Variants in BTBD9 observed in about 807,000 individuals in gnomAD.
BTBD9 encodes BTB/POZ domain-containing protein 9.
A neutral mutation model predicts 64.3 loss-of-function variants in BTBD9; 49 were observed. The ratio of observed to expected loss-of-function variants is 0.76; its 90% CI spans 0.61 to 0.97. The LOEUF (loss-of-function observed/expected upper bound fraction) is 0.97. Ranked by LOEUF, BTBD9 falls within the 50% of genes least tolerant of loss-of-function variation. The pLI is 0.00. For synonymous variants in BTBD9, 260 were observed against 274.7 expected, an observed-to-expected ratio of 0.95 and a Z score of 0.53; for missense variants, 598 against 762.1, an observed-to-expected ratio of 0.78 and a Z score of 2.53.
intron 7 of BTBD9, among the ~76,000 whole-genome samples, chr6:38,299,982 T>A (rs1288292142): frequency 2.0e-5 from 3 of 152,278 alleles, no homozygotes; most frequent in African/African-American, 4.8e-5. Context: ...AGGGTTTTTA[T>A]GATTTTAGGT....
intron 5 of BTBD9, among the ~76,000 whole-genome samples, chr6:38,578,239 C>T (rs1776141404): frequency 6.6e-6 from 1 of 152,096 alleles, no homozygotes; most frequent in African/African-American, 2.4e-5. Flanking sequence ...CTGCTGCCTC[C>T]CAGTCTCCTA....
chr6:38,387,751 A>G (rs1417666968), intron 6 of BTBD9, among the ~76,000 whole-genome samples: 1 of 152,162 alleles, frequency 6.6e-6, no homozygotes, highest in Non-Finnish European at 1.5e-5. Context: ...TGCCCAGAGG[A>G]GAAATCTGCC....
At chr6:38,309,047 A>T (rs1250501021) in intron 7 of BTBD9, among the ~76,000 whole-genome samples, 1 of 151,958 alleles carries the variant, frequency 6.6e-6, no homozygotes, top group Admixed American at 6.6e-5. Context: ...TGAACAGAGA[A>T]CAAAAGACAT....
chr6:38,224,204 C>T (rs913861921), intron 9 of BTBD9, among the ~76,000 whole-genome samples: 3 of 151,922 alleles, frequency 2.0e-5, no homozygotes, highest in African/African-American at 7.3e-5. Context: ...CAGAGCAAGA[C>T]TCTGTCTCAA....
In BTBD9 at chr6:38,580,211, C is replaced by A. The variant is rs1433575723; in HGVS notation, c.1034+7G>T. On this transcript the variant is annotated splice_region_variant and intron_variant, in intron 5 of 10. Coordinates refer to ENST00000481247, the MANE Select transcript of BTBD9 (RefSeq NM_001099272.2). Reference sequence around the variant, plus strand: ...ATGTCAGTTTCTAAGTCATGCTAATCACTTACCGGCTATCTCGGTCCCACA... The same window carrying A: ...ATGTCAGTTTCTAAGTCATGCTAATAACTTACCGGCTATCTCGGTCCCACA... The A allele has an allele frequency of 6.2e-7, 1 of 1,610,508 alleles. No individual in the cohort carries two copies. Among genetic ancestry groups the A allele is most frequent in the South Asian group, 1.1e-5 (1 of 90,940 alleles).
intron 6 of BTBD9, among the ~76,000 whole-genome samples, chr6:38,417,775 G>GGAGAGA (rs1554149267): frequency 1.3e-4 from 18 of 135,644 alleles, no homozygotes; most frequent in South Asian, 1.0e-3. Flanking sequence ...CCTGTCTCGA[G>GGAGAGA]GAGAGAGAGA....
At chr6:38,241,984 C>CTT (rs1474516737) in intron 9 of BTBD9, among the ~76,000 whole-genome samples, 1 of 152,108 alleles carries the variant, frequency 6.6e-6, no homozygotes, top group Non-Finnish European at 1.5e-5. Flanking sequence ...AGAAGCTATA[C>CTT]TTTTAAAACC....
intron 6 of BTBD9, among the ~76,000 whole-genome samples, chr6:38,505,668 T>C (rs1472755195): frequency 6.7e-6 from 1 of 150,334 alleles, no homozygotes; most frequent in Non-Finnish European, 1.5e-5. Flanking sequence ...TCAGTATATA[T>C]AAAAAGAGAA....
chr6:38,531,440 A>G (rs546996045), intron 6 of BTBD9, among the ~76,000 whole-genome samples: 1 of 152,358 alleles, frequency 6.6e-6, no homozygotes, highest in Non-Finnish European at 1.5e-5. Flanking sequence ...AGGAAATGCT[A>G]AAGGAAGTTC....
intron 4 of BTBD9, among the ~76,000 whole-genome samples, chr6:38,581,296 C>A (rs1354797363): frequency 6.6e-6 from 1 of 152,184 alleles, no homozygotes; most frequent in African/African-American, 2.4e-5. Flanking sequence ...GGTCAGAAAT[C>A]TGTTAAAACA....
At chr6:38,570,307 T>C (rs948334420) in intron 6 of BTBD9, among the ~76,000 whole-genome samples, 5 of 152,182 alleles carry the variant, frequency 3.3e-5, no homozygotes, top group African/African-American at 1.2e-4. Flanking sequence ...TACTCTAAGG[T>C]AGAGCTATTT....
rs1778561267 is a variant in BTBD9, at chr6:38,637,357, C to T, written c.-28+2443G>A. On this transcript the variant is annotated intron_variant, in intron 1 of 10. Coordinates refer to ENST00000481247, the MANE Select transcript of BTBD9 (RefSeq NM_001099272.2). ...TGCAACATTTGCAGTTGTAACTTTA[C>T]ACATCTTGGTTAGCAATTCAACTTC... Among the ~76,000 whole-genome samples the T allele has an allele frequency of 3.3e-5, 5 of 152,320 alleles. No individual in the cohort carries two copies. The South Asian group carries it at 1.0e-3, about 32-fold the overall frequency.
intron 7 of BTBD9, among the ~76,000 whole-genome samples, chr6:38,307,187 T>C (rs1423928112): frequency 6.6e-6 from 1 of 152,182 alleles, no homozygotes; most frequent in African/African-American, 2.4e-5. Flanking sequence ...TAATCCAACC[T>C]TCTGTCAAAT....
chr6:38,495,190 C>T lies in BTBD9; in HGVS notation c.1154+82410G>A, dbSNP rs74337222. 2.7e-4 allele frequency among the ~76,000 whole-genome samples: 41 copies of T among 152,288 alleles called. 1 individual carries two copies. The East Asian group carries it at 7.5e-3, about 28-fold the overall frequency. On this transcript the variant is annotated intron_variant, in intron 6 of 10. Transcript: ENST00000481247. Reference sequence around the variant, plus strand: ...TTCCACCGCTACAGATCAAAACAGGCAAATAACATCTCTGTGTTTCGTTTC... The same window carrying T: ...TTCCACCGCTACAGATCAAAACAGGTAAATAACATCTCTGTGTTTCGTTTC...
chr6:38,498,281 A>C (rs1354425864), intron 6 of BTBD9, among the ~76,000 whole-genome samples: 1 of 152,196 alleles, frequency 6.6e-6, no homozygotes, highest in South Asian at 2.1e-4. Flanking sequence ...ATGAGTCACA[A>C]CACCAGAGCT....
chr6:38,257,473 A>G (rs1764633494), intron 8 of BTBD9, among the ~76,000 whole-genome samples: 2 of 152,174 alleles, frequency 1.3e-5, no homozygotes, highest in South Asian at 4.1e-4. Flanking sequence ...CCAGGATTAC[A>G]GGTGTGAGCC....
At chr6:38,326,701 C>A (rs937645123) in intron 7 of BTBD9, among the ~76,000 whole-genome samples, 3 of 150,356 alleles carry the variant, frequency 2.0e-5, no homozygotes, top group Admixed American at 1.3e-4. Context: ...CTGAGATGTG[C>A]TTCCAACTTT....
chr6:38,568,074 T>C (rs74947747), intron 6 of BTBD9, among the ~76,000 whole-genome samples: 1,995 of 152,270 alleles, frequency 0.013, 40 homozygotes, highest in African/African-American at 0.044. Context: ...ATACAAGATA[T>C]ATAATTAATG....
At chr6:38,344,304 A>G (rs1375953553) in intron 7 of BTBD9, among the ~76,000 whole-genome samples, 3 of 152,266 alleles carry the variant, frequency 2.0e-5, no homozygotes, top group East Asian at 1.9e-4. Flanking sequence ...ACTACCCATT[A>G]CTGAAAATAA....
Sources: gnomAD v4.1 joint callset for allele counts (sites outside exome capture counted in the v4.1 genomes callset) on GRCh38, gnomAD v4.1.1 for gene constraint, MANE v1.5 for transcripts, NCBI Gene and HGNC (gene_info 2026-07-23, HGNC 2026-07-21) for gene names.